SP100: variants seen among roughly 807,000 people sequenced by gnomAD.
SP100 encodes SP100 nuclear body protein, also known as nuclear autoantigen Sp-100.
In SP100, 84 loss-of-function variants were observed where a neutral mutation model predicts 130.0. The ratio of observed to expected loss-of-function variants is 0.65; its 90% CI spans 0.54 to 0.77. The LOEUF (loss-of-function observed/expected upper bound fraction) is 0.77. SP100 is among the 30% of genes least tolerant of loss of function. SP100 has a pLI of 0.00. For missense variants in SP100, 978 were observed against 1,052.2 expected (o/e 0.93, Z 0.97); for synonymous variants, 331 against 351.7 (o/e 0.94, Z 0.66).
chr2:230,427,390 G>A (rs1011493910), intron 2 of SP100, among the ~76,000 whole-genome samples: 2 of 152,076 alleles, frequency 1.3e-5, no homozygotes, highest in Non-Finnish European at 1.5e-5. Flanking sequence ...TCGAGCTCCC[G>A]ACCTCAAGTG....
chr2:230,528,041 A>T (rs1691512712), intron 24 of SP100, among the ~76,000 whole-genome samples: 1 of 152,226 alleles, frequency 6.6e-6, no homozygotes, highest in African/African-American at 2.4e-5. Flanking sequence ...GTTAACAAGG[A>T]TATCCAGGAC....
chr2:230,418,296 T>A (rs1444842531), intron 2 of SP100, among the ~76,000 whole-genome samples: 4 of 152,342 alleles, frequency 2.6e-5, no homozygotes, highest in Middle Eastern at 3.4e-3. Flanking sequence ...TCTAATTTTT[T>A]AAAAATTGAT....
chr2:230,449,470 C>G (rs2063863774), intron 6 of SP100, 91 bp from the exon 7 acceptor site: 1 of 1,422,230 alleles, frequency 7.0e-7, no homozygotes, highest in African/African-American at 1.4e-5. Flanking sequence ...CTTGACCTTA[C>G]GTCCATCAGT....
intron 17 of SP100, among the ~76,000 whole-genome samples, chr2:230,478,662 C>A (rs1219450142): frequency 6.6e-6 from 1 of 152,042 alleles, no homozygotes; most frequent in African/African-American, 2.4e-5. Flanking sequence ...TCAGCAATTT[C>A]TTTTGTTAGT....
At chr2:230,437,127 G>A (rs906740535) in intron 2 of SP100, among the ~76,000 whole-genome samples, 1 of 152,096 alleles carries the variant, frequency 6.6e-6, no homozygotes, top group Non-Finnish European at 1.5e-5. Context: ...TTCATTTTGT[G>A]TTAGTTTTTA....
intron 13 of SP100, among the ~76,000 whole-genome samples, chr2:230,468,591 T>A (rs959048366): frequency 2.0e-5 from 3 of 152,042 alleles, no homozygotes; most frequent in Admixed American, 6.6e-5. Context: ...GGCAGGTGGA[T>A]CTTTTGAGCC....
chr2:230,421,553 C>CTATATA (rs3997231), intron 2 of SP100, among the ~76,000 whole-genome samples: 1 of 147,842 alleles, frequency 6.8e-6, no homozygotes. Context: ...TTGAGAGACA[C>CTATATA]TATATATATA....
At chr2:230,457,753 T>G (rs112164142) in intron 8 of SP100, among the ~76,000 whole-genome samples, 3,260 of 152,304 alleles carry the variant, frequency 0.021, 142 homozygotes, top group African/African-American at 0.074. Context: ...GGTATTTTCA[T>G]GCATAGGTCG....
intron 4 of SP100, among the ~76,000 whole-genome samples, chr2:230,446,204 G>A (rs2063703811): frequency 6.6e-6 from 1 of 152,166 alleles, no homozygotes; most frequent in South Asian, 2.1e-4. Flanking sequence ...AGCCTCCTGG[G>A]CTCTAGTGAT....
At chr2:230,466,742 G>T (rs1476273038) in intron 12 of SP100, among the ~76,000 whole-genome samples, 2 of 152,120 alleles carry the variant, frequency 1.3e-5, no homozygotes, top group Admixed American at 6.5e-5. Flanking sequence ...TTTCATGGTT[G>T]CCCTGAGAGA....
chr2:230,513,518 T>TA (rs34365039), intron 24 of SP100, among the ~76,000 whole-genome samples: 3,658 of 148,348 alleles, frequency 0.025, 94 homozygotes, highest in East Asian at 0.064. Flanking sequence ...CCTTTTTGAT[T>TA]AAAAAAAAAA....
At chr2:230,460,202 C>T (rs2064513289) in intron 8 of SP100, among the ~76,000 whole-genome samples, 1 of 152,092 alleles carries the variant, frequency 6.6e-6, no homozygotes. Context: ...AAAGAATGCT[C>T]AAGGCAGCAT....
At chr2:230,478,909 C>A (rs1436508067) in intron 17 of SP100, among the ~76,000 whole-genome samples, 3 of 152,114 alleles carry the variant, frequency 2.0e-5, no homozygotes, top group African/African-American at 7.2e-5. Flanking sequence ...CAACTTCTGC[C>A]TCCCGGATTC....
At chr2:230,474,511 G>A in intron 17 of SP100, 64 bp downstream of exon 17, 1 of 792,384 alleles carries the variant, frequency 1.3e-6, no homozygotes, top group Admixed American at 2.3e-5. Flanking sequence ...TAATGCTAAG[G>A]TTTATTATCA....
chr2:230,428,721 C>T (rs368290847), intron 2 of SP100, among the ~76,000 whole-genome samples: 10 of 151,712 alleles, frequency 6.6e-5, no homozygotes, highest in East Asian at 5.9e-4. Flanking sequence ...GGATTACAGG[C>T]GTGAGCCACC....
intron 24 of SP100, among the ~76,000 whole-genome samples, chr2:230,536,627 C>T (rs941450806): frequency 6.6e-6 from 1 of 152,148 alleles, no homozygotes; most frequent in Admixed American, 6.5e-5. Flanking sequence ...CTTACCACTC[C>T]CTAATTCCTG....
At position 230,544,443 on chromosome 2, in the gene SP100, G is replaced by A. The variant is rs1311086593; in HGVS notation, c.*1497G>A. 1.3e-5 allele frequency among the ~76,000 whole-genome samples: 2 copies of A among 151,712 alleles called. No homozygotes were observed. The highest frequency in any genetic ancestry group is 2.9e-5 in the Non-Finnish European group (2 of 67,932). On this transcript the variant is annotated 3_prime_UTR_variant, in exon 29 of 29. Coordinates refer to ENST00000340126, the MANE Select transcript of SP100 (RefSeq NM_001080391.2). ...ATAGGGAACTTAAACAAATTTACAAGACAAAAAGAAATAACCCCATTAAAA... is the reference window on the plus strand; with the variant it reads ...ATAGGGAACTTAAACAAATTTACAAAACAAAAAGAAATAACCCCATTAAAA...
chr2:230,489,981 T>C (rs2066312134), intron 17 of SP100, among the ~76,000 whole-genome samples: 3 of 152,208 alleles, frequency 2.0e-5, no homozygotes, highest in Admixed American at 2.0e-4. Flanking sequence ...GAAAAGAACA[T>C]ATATTCTGTT....
At chr2:230,502,615 C>T (rs975532444) in intron 19 of SP100, among the ~76,000 whole-genome samples, 3 of 152,314 alleles carry the variant, frequency 2.0e-5, no homozygotes, top group Non-Finnish European at 2.9e-5. Context: ...CAACTTCATT[C>T]TTGCTCTCCT....
Sources: gnomAD v4.1 joint callset for allele counts (sites outside exome capture counted in the v4.1 genomes callset) on GRCh38, gnomAD v4.1.1 for gene constraint, MANE v1.5 for transcripts, NCBI Gene and HGNC (gene_info 2026-07-23, HGNC 2026-07-21) for gene names.